The following KIDINS220 variants were observed in gnomAD, a reference collection of about 807,000 sequenced individuals.
KIDINS220 encodes the protein kinase D interacting substrate 220, also known as kinase D-interacting substrate of 220 kDa.
Under a neutral mutation model 157.6 loss-of-function variants are expected in KIDINS220, and 63 were observed. The ratio of observed to expected loss-of-function variants is 0.40; its 90% CI spans 0.33 to 0.49. The LOEUF is 0.49. Ranked by LOEUF, KIDINS220 falls within the 20% of genes least tolerant of loss-of-function variation. The pLI is 0.66. For synonymous variants in KIDINS220, 732 were observed against 783.6 expected, an observed-to-expected ratio of 0.93 and a Z score of 1.10; for missense variants, 1,772 against 2,171.2, an observed-to-expected ratio of 0.82 and a Z score of 3.65.
Position 8,731,549 on chromosome 2 carries a change from G to T in KIDINS220, c.4487C>A (p.Ser1496Tyr). 2 of 1,614,184 alleles carry T rather than the reference G, an allele frequency of 1.2e-6. No individual in the cohort carries two copies. The highest frequency in any genetic ancestry group is 1.7e-6 in the Non-Finnish European group (2 of 1,180,024). Reference protein sequence around the residue: ...SGSKLLPGKKSSERSSLFQTD... With the variant: ...SGSKLLPGKKYSERSSLFQTD... ...CTGGAAGAGGCTTGACCTTTCGGAAGATTTCTTGCCTGGGAGAAGCTTACT... is the reference window on the plus strand; with the variant it reads ...CTGGAAGAGGCTTGACCTTTCGGAATATTTCTTGCCTGGGAGAAGCTTACT... The change falls in exon 30 of 30, where the codon TCT (serine) becomes TAT (tyrosine). Residue 1496 changes from serine to tyrosine, a missense_variant. Transcript: ENST00000256707. This position sits in a 1 kb window ranked among gnomAD's most constrained non-coding sequence, Gnocchi z 5.2.
intron 8 of KIDINS220, among the ~76,000 whole-genome samples, chr2:8,802,603 G>A (rs1248237384): frequency 3.9e-5 from 6 of 152,210 alleles, no homozygotes; most frequent in African/African-American, 1.2e-4. Context: ...AGACATTCAA[G>A]TGGAGCGTTC....
At chr2:8,758,991 G>C (rs537864482) in intron 22 of KIDINS220, among the ~76,000 whole-genome samples, 1 of 152,300 alleles carries the variant, frequency 6.6e-6, no homozygotes, top group South Asian at 2.1e-4. Context: ...ATGCTCGTGT[G>C]GTGGTCACAG....
intron 29 of KIDINS220, 47 bp downstream of exon 29, chr2:8,733,397 G>T (rs776179799): frequency 4.1e-6 from 6 of 1,447,580 alleles, no homozygotes; most frequent in Non-Finnish European, 5.8e-6. Flanking sequence ...TGAACTGAAC[G>T]GTGTGCTTAT....
chr2:8,731,669 T>A lies in KIDINS220; in HGVS notation c.4367A>T (p.Asp1456Val). The A allele has an allele frequency of 6.2e-7, 1 of 1,614,196 alleles. No homozygotes were observed. Among genetic ancestry groups the A allele is most frequent in the South Asian group, 1.1e-5 (1 of 91,078 alleles). Residue 1456 changes from aspartate to valine, a missense_variant, in exon 30 of 30, where the codon GAT becomes GTT. Coordinates refer to ENST00000256707, the MANE Select transcript of KIDINS220 (RefSeq NM_020738.4). The surrounding 1 kb of genome is among the most constrained non-coding windows in gnomAD (Gnocchi z 5.2). The stretch of plus-strand genomic sequence containing the variant: ...CCCTGATGATGAATAATCGATAACA[T>A]CTCCCCTCTTCATTAGAAAGGACTT... ...GRKSFLMKRG[D>V]VIDYSSSGVS...
chr2:8,798,079 A>G, intron 10 of KIDINS220, 123 bp downstream of exon 10: 2 of 606,812 alleles, frequency 3.3e-6, no homozygotes, highest in Non-Finnish European at 5.8e-6. Context: ...CCTCAATGTG[A>G]TAGAGAATAT....
intron 26 of KIDINS220, among the ~76,000 whole-genome samples, chr2:8,738,102 A>C (rs1665139468): frequency 6.6e-6 from 1 of 152,234 alleles, no homozygotes; most frequent in Non-Finnish European, 1.5e-5. Flanking sequence ...AAAATAGTTT[A>C]ATCAACAAAA....
At chr2:8,796,209 C>T (rs1042535260) in intron 11 of KIDINS220, among the ~76,000 whole-genome samples, 16 of 152,024 alleles carry the variant, frequency 1.1e-4, no homozygotes, top group Non-Finnish European at 1.3e-4. Context: ...TCACTTCTAT[C>T]CTGGGGGAAA....
chr2:8,811,378 A>T (rs979644774), intron 6 of KIDINS220, among the ~76,000 whole-genome samples: 2 of 152,202 alleles, frequency 1.3e-5, no homozygotes, highest in Admixed American at 6.5e-5. Context: ...AATCATTACA[A>T]GGCAATAGGT....
chr2:8,726,324 T>C (rs1423512921), downstream of KIDINS220, among the ~76,000 whole-genome samples: 2 of 152,218 alleles, frequency 1.3e-5, no homozygotes, highest in Non-Finnish European at 2.9e-5. Flanking sequence ...AGCACGTGTG[T>C]GCGACACACA....
At chr2:8,825,391 G>GAAAAAT (rs2148428606) in intron 2 of KIDINS220, among the ~76,000 whole-genome samples, 1 of 15,146 alleles carries the variant, frequency 6.6e-5, no homozygotes, top group South Asian at 2.8e-3. Flanking sequence ...AAAAGAAAAA[G>GAAAAAT]TTCTGGAATC....
intron 26 of KIDINS220, among the ~76,000 whole-genome samples, chr2:8,738,108 CAAAAT>C (rs1170026967): frequency 6.6e-6 from 1 of 152,060 alleles, no homozygotes; most frequent in Non-Finnish European, 1.5e-5. Flanking sequence ...GTTTAATCAA[CAAAAT>C]AACTAATGAT....
intron 22 of KIDINS220, among the ~76,000 whole-genome samples, chr2:8,770,417 T>G (rs1165566691): frequency 6.6e-6 from 1 of 152,038 alleles, no homozygotes; most frequent in East Asian, 1.9e-4. Flanking sequence ...AAAAAATTTT[T>G]TAAAATTTTA....
At chr2:8,793,251 T>C (rs1673441913) in intron 12 of KIDINS220, among the ~76,000 whole-genome samples, 1 of 152,102 alleles carries the variant, frequency 6.6e-6, no homozygotes, top group South Asian at 2.1e-4. Context: ...CTCATGTCTG[T>C]AATCCCAGCA....
At chr2:8,820,724 T>G (rs191786188) in intron 2 of KIDINS220, among the ~76,000 whole-genome samples, 1 of 152,314 alleles carries the variant, frequency 6.6e-6, no homozygotes, top group East Asian at 1.9e-4. Flanking sequence ...ATTATAACTT[T>G]TATGATAATC....
chr2:8,728,292 C>T (rs1418619623), downstream of KIDINS220, among the ~76,000 whole-genome samples: 2 of 152,070 alleles, frequency 1.3e-5, no homozygotes, highest in Non-Finnish European at 2.9e-5. Flanking sequence ...CCACTACACT[C>T]AGCCTGGATG....
chr2:8,747,242 G>T (rs761404011), intron 25 of KIDINS220, 41 bp from the exon 26 acceptor site: 2 of 1,549,772 alleles, frequency 1.3e-6, no homozygotes, highest in Non-Finnish European at 8.9e-7. Flanking sequence ...AAAAGGGGAA[G>T]GGGGGAGCCA....
chr2:8,831,248 G>T lies in KIDINS220; in HGVS notation c.-36-4119C>A, dbSNP rs569551543. On this transcript the variant is annotated intron_variant, in intron 1 of 29. Transcript: ENST00000256707. ...AGTTCAATTCTTGATTATGATGAGG[G>T]CATGCAGATTCTTCACAATCTGGCC... Among the ~76,000 whole-genome samples, 496 of 152,182 alleles carry T rather than the reference G, an allele frequency of 3.3e-3. 3 individuals carry two copies. The highest frequency in any genetic ancestry group is 4.0e-3 in the Non-Finnish European group (269 of 68,004).
At chr2:8,822,945 T>A (rs1433022904) in intron 2 of KIDINS220, among the ~76,000 whole-genome samples, 5 of 152,192 alleles carry the variant, frequency 3.3e-5, no homozygotes, top group Admixed American at 2.0e-4. Flanking sequence ...ATAAGCACAG[T>A]ATCAGGCAAT....
At position 8,733,434 on chromosome 2, in the gene KIDINS220, C is replaced by A; in HGVS notation, c.4053+10G>T. The A allele has an allele frequency of 6.2e-7, 1 of 1,601,460 alleles. No individual in the cohort carries two copies. The highest frequency in any genetic ancestry group is 8.6e-7 in the Non-Finnish European group (1 of 1,169,588). ...CTTCAATAATATGAAAAATGCCATT[C>A]AATAAATACCTGCCAACTTAGATTA... On this transcript the variant is annotated intron_variant, in intron 29 of 29. Transcript: ENST00000256707.
Sources: gnomAD v4.1 joint callset for allele counts (sites outside exome capture counted in the v4.1 genomes callset) on GRCh38, gnomAD v4.1.1 for gene constraint, Gnocchi (gnomAD v3.1) non-coding constraint, MANE v1.5 for transcripts, NCBI Gene and HGNC (gene_info 2026-07-23, HGNC 2026-07-21) for gene names.